PLEKHH1: variants seen among roughly 807,000 people sequenced by gnomAD.
The protein encoded by PLEKHH1 is pleckstrin homology, MyTH4 and FERM domain containing H1.
A neutral mutation model predicts 160.0 loss-of-function variants in PLEKHH1; 104 were observed. The observed-to-expected ratio is 0.65, with a 90% CI of 0.55 to 0.76. PLEKHH1 has a LOEUF of 0.76. Among genes scored for constraint, PLEKHH1 ranks in the 30% least tolerant of loss-of-function variants. PLEKHH1 has a pLI of 0.00. For synonymous variants in PLEKHH1, 619 were observed against 678.4 expected (o/e 0.91, Z 1.36); for missense variants, 1,427 against 1,724.1 (o/e 0.83, Z 3.05).
chr14:67,542,358 T>C (rs2034004618), intron 2 of PLEKHH1, among the ~76,000 whole-genome samples: 1 of 152,204 alleles, frequency 6.6e-6, no homozygotes, highest in Non-Finnish European at 1.5e-5. Flanking sequence ...ACCCTTCCTC[T>C]CACCCTTTGT....
At chr14:67,559,767 C>T in intron 5 of PLEKHH1, 76 bp downstream of exon 5, 1 of 943,854 alleles carries the variant, frequency 1.1e-6, no homozygotes, top group Non-Finnish European at 1.7e-6. Context: ...TTTCCTGCCC[C>T]CTACTGTCTA....
In PLEKHH1 at chr14:67,576,311, G is replaced by A. The variant is rs1034875405; in HGVS notation, c.2353-84G>A. 6.7e-6 allele frequency: 5 copies of A among 743,524 alleles called. No individual in the cohort carries two copies. Among genetic ancestry groups the A allele is most frequent in the Non-Finnish European group, 1.1e-5 (5 of 442,826 alleles). 46.1% of individuals were successfully genotyped at this position (743,524 alleles called of 1,614,324 possible). On this transcript the variant is annotated intron_variant, in intron 16 of 28. Coordinates refer to ENST00000329153, the MANE Select transcript of PLEKHH1 (RefSeq NM_020715.3). This position sits in a 1 kb window ranked among gnomAD's most constrained non-coding sequence, Gnocchi z 4.0. ...ACTAGCTGAACCCCACATGGGCTTG[G>A]TCCCTTCAAGGAGTCCTCCTTGGAG...
intron 1 of PLEKHH1, among the ~76,000 whole-genome samples, chr14:67,535,944 A>C (rs538707884): frequency 1.6e-4 from 25 of 152,316 alleles, no homozygotes; most frequent in Admixed American, 2.6e-4. Flanking sequence ...ACTGCCCTCA[A>C]TTTCAGAATG....
intron 4 of PLEKHH1, among the ~76,000 whole-genome samples, 198 bp from the exon 5 acceptor site, chr14:67,559,410 A>C (rs1382865307): frequency 6.6e-6 from 1 of 152,144 alleles, no homozygotes; most frequent in Non-Finnish European, 1.5e-5. Context: ...TTCGTGGTGA[A>C]CACTTAGACT....
chr14:67,574,423 G>A lies in PLEKHH1; in HGVS notation c.2088+20G>A, dbSNP rs146422621. ...ACCAAGGTAGAGGGTGGGGCTGATA[G>A]GGCAGGAACATGTGCCTCCTGCGAA... On this transcript the variant is annotated intron_variant, in intron 14 of 28. Coordinates refer to ENST00000329153, the MANE Select transcript of PLEKHH1 (RefSeq NM_020715.3). This position sits in a 1 kb window ranked among gnomAD's most constrained non-coding sequence, Gnocchi z 4.2. The A allele has an allele frequency of 8.4e-3, 12,638 of 1,497,074 alleles. 88 individuals are homozygous for A. The highest frequency in any genetic ancestry group is 9.2e-3 in the Non-Finnish European group (10,334 of 1,120,030). The allele number at this position is 1,497,074 out of a possible 1,614,324, so 92.7% of individuals were successfully genotyped here. A position where few individuals can be genotyped will look rare whatever the true frequency, so the allele number is the denominator to read the frequency against.
chr14:67,551,470 A>T (rs61266185), intron 2 of PLEKHH1, among the ~76,000 whole-genome samples: 12,702 of 152,040 alleles, frequency 0.084, 580 homozygotes, highest in East Asian at 0.13. Flanking sequence ...ATATATATAT[A>T]TTTTTTACTG....
chr14:67,584,825 CTA>C (rs1365005432), intron 26 of PLEKHH1, among the ~76,000 whole-genome samples: 1 of 152,064 alleles, frequency 6.6e-6, no homozygotes, highest in African/African-American at 2.4e-5. Context: ...ATTTTTTTCT[CTA>C]TGTATTTAAT....
chr14:67,572,468 A>G (rs2035436868), intron 11 of PLEKHH1, among the ~76,000 whole-genome samples, 191 bp downstream of exon 11: 1 of 152,162 alleles, frequency 6.6e-6, no homozygotes, highest in African/African-American at 2.4e-5. Context: ...CAAGGAAGGA[A>G]GGAGGGAGCC....
intron 2 of PLEKHH1, among the ~76,000 whole-genome samples, chr14:67,546,087 A>G (rs2034165707): frequency 1.3e-5 from 2 of 152,220 alleles, no homozygotes; most frequent in African/African-American, 4.8e-5. Flanking sequence ...GGAGAACATG[A>G]GGGGACATGT....
chr14:67,563,215 AG>A (rs2034924271), intron 7 of PLEKHH1, among the ~76,000 whole-genome samples: 1 of 152,212 alleles, frequency 6.6e-6, no homozygotes. Flanking sequence ...TCAAGAGCAT[AG>A]GCCCCAGAAG....
At chr14:67,586,616 A>G in intron 28 of PLEKHH1, 1 of 437,316 alleles carries the variant, frequency 2.3e-6, no homozygotes, top group Non-Finnish European at 4.0e-6. Context: ...GTTGACCAGC[A>G]AAAATAATAA....
At chr14:67,557,199 C>A in intron 3 of PLEKHH1, 70 bp from the exon 4 acceptor site, 1 of 1,350,598 alleles carries the variant, frequency 7.4e-7, no homozygotes, top group South Asian at 1.3e-5. Flanking sequence ...GTGTCCCATC[C>A]CACGTTACTG....
Position 67,575,428 on chromosome 14 carries a change from C to G in PLEKHH1, c.2125C>G (p.Leu709Val), listed in dbSNP as rs370381025. 8 of 1,610,384 alleles carry G rather than the reference C, an allele frequency of 5.0e-6. No individual in the cohort carries two copies. The highest frequency in any genetic ancestry group is 6.8e-6 in the Non-Finnish European group (8 of 1,178,308). The change falls in exon 15 of 29, where the codon CTT (leucine) becomes GTT (valine). Residue 709 changes from leucine (L) to valine (V), a missense_variant. Around this residue, in one of 6 missense-constraint regions of PLEKHH1, gnomAD observed 831 missense variants for 929.2 expected, o/e 0.89. Coordinates refer to ENST00000329153, the MANE Select transcript of PLEKHH1 (RefSeq NM_020715.3). ...HGHSKVVWCA[L>V]VGKIFYYYRS... ...CCACTCCAAGGTGGTCTGGTGCGCT[C>G]TTGTTGGGAAAATCTTCTACTACTA...
At chr14:67,539,850 G>A (rs1358135329) in intron 1 of PLEKHH1, among the ~76,000 whole-genome samples, 1 of 152,124 alleles carries the variant, frequency 6.6e-6, no homozygotes, top group African/African-American at 2.4e-5. Flanking sequence ...TGTTTCACAG[G>A]TTGTTGTAAG....
chr14:67,560,776 G>T (rs1325920422), intron 5 of PLEKHH1, among the ~76,000 whole-genome samples: 1 of 149,162 alleles, frequency 6.7e-6, no homozygotes, highest in Non-Finnish European at 1.5e-5. Context: ...TGTTTCCCAG[G>T]CTGGAGTGCA....
rs2035469187 is a variant in PLEKHH1, at chr14:67,573,228, G to C, written c.1729-48G>C. 8.4e-7 allele frequency: 1 copy of C among 1,183,542 alleles called. No individual in the cohort carries two copies. The highest frequency in any genetic ancestry group is 1.7e-5 in the Admixed American group (1 of 59,186). The allele number at this position is 1,183,542 out of a possible 1,614,324, so 73.3% of individuals were successfully genotyped here. On this transcript the variant is annotated intron_variant, in intron 11 of 28. Coordinates refer to ENST00000329153, the MANE Select transcript of PLEKHH1 (RefSeq NM_020715.3). This position sits in a 1 kb window ranked among gnomAD's most constrained non-coding sequence, Gnocchi z 4.8. ...ACTTGGACCTGTGTGATGTCTAGGA[G>C]CCCTGAGTGATTTCCCCTTTCTTCA...
chr14:67,533,334 C>G lies in PLEKHH1; in HGVS notation c.-99C>G, dbSNP rs1211285540. 6.6e-6 allele frequency: 1 copy of G among 151,338 alleles called. No homozygotes were observed. The highest frequency in any genetic ancestry group is 1.5e-5 in the Non-Finnish European group (1 of 67,618). 9.4% of individuals were successfully genotyped at this position (151,338 alleles called of 1,614,324 possible). On this transcript the variant is annotated 5_prime_UTR_variant, in exon 1 of 29. Coordinates refer to ENST00000329153, the MANE Select transcript of PLEKHH1 (RefSeq NM_020715.3). ...GGCGAGAGCGACGCAAGGTCGGCTG[C>G]GGCGGCGGCCCGAGGGCGCCCGTGT...
At chr14:67,557,522 C>A in intron 4 of PLEKHH1, 104 bp downstream of exon 4, 1 of 1,017,600 alleles carries the variant, frequency 9.8e-7, no homozygotes, top group Non-Finnish European at 1.4e-6. Context: ...TGCTGGGGAA[C>A]TCGCTCCCTC....
In PLEKHH1 at chr14:67,578,108, G is replaced by T; in HGVS notation, c.2660G>T (p.Cys887Phe). 6.2e-7 allele frequency: 1 copy of T among 1,613,838 alleles called. No homozygotes were observed. Among genetic ancestry groups the T allele is most frequent in the Non-Finnish European group, 8.5e-7 (1 of 1,179,846 alleles). The change falls in exon 19 of 29, where the codon TGC becomes TTC. Residue 887 changes from cysteine (C) to phenylalanine (F), a missense_variant. By Grantham distance (205) the Cys-to-Phe change is radical. Around this residue, in one of 6 missense-constraint regions of PLEKHH1, gnomAD observed 436 missense variants for 607.5 expected, o/e 0.72. Transcript: ENST00000329153. The surrounding 1 kb of genome is among the most constrained non-coding windows in gnomAD (Gnocchi z 5.0). ...VSLAQTALQV[C>F]LVHPELQSEI... ...CTGGCCCAGACCGCACTGCAGGTCT[G>T]CCTGGTTCACCCCGAGCTGCAGAGT...
Sources: gnomAD v4.1 joint callset for allele counts (sites outside exome capture counted in the v4.1 genomes callset) on GRCh38, gnomAD v4.1.1 for gene constraint, gnomAD v4.1.1 regional missense constraint, Gnocchi (gnomAD v3.1) non-coding constraint, MANE v1.5 for transcripts, NCBI Gene and HGNC (gene_info 2026-07-23, HGNC 2026-07-21) for gene names.